PLEKHD1: variants seen among roughly 807,000 people sequenced by gnomAD.
PLEKHD1 encodes the protein pleckstrin homology and coiled-coil domain containing D1.
Under a neutral mutation model 69.2 loss-of-function variants are expected in PLEKHD1, and 51 were observed. The ratio of observed to expected loss-of-function variants is 0.74; its 90% CI spans 0.59 to 0.93. The LOEUF is 0.93. Ranked by LOEUF, PLEKHD1 falls within the 40% of genes least tolerant of loss-of-function variation. The pLI, the probability that PLEKHD1 is intolerant of heterozygous loss-of-function variation, is 0.00. For missense variants in PLEKHD1, 584 were observed against 641.0 expected (o/e 0.91, Z 0.96); for synonymous variants, 236 against 244.7 (o/e 0.96, Z 0.33).
At chr14:69,509,700 G>A (rs548948462) in intron 6 of PLEKHD1, among the ~76,000 whole-genome samples, 26 of 152,256 alleles carry the variant, frequency 1.7e-4, no homozygotes, top group African/African-American at 6.3e-4. Flanking sequence ...CACTTTGGGA[G>A]GTCGAGGCGG....
At chr14:69,489,789 G>A (rs1318146276) in intron 1 of PLEKHD1, among the ~76,000 whole-genome samples, 1 of 152,040 alleles carries the variant, frequency 6.6e-6, no homozygotes, top group Non-Finnish European at 1.5e-5. Flanking sequence ...AAGGGAATGG[G>A]GAACAGGGGT....
At chr14:69,519,918 T>C (rs1883472192) in intron 6 of PLEKHD1, among the ~76,000 whole-genome samples, 1 of 151,952 alleles carries the variant, frequency 6.6e-6, no homozygotes, top group South Asian at 2.1e-4. Flanking sequence ...TCCCAGCACT[T>C]TGGGAGGCCA....
At chr14:69,474,064 G>T in the PLEKHD1 span, among the ~76,000 whole-genome samples, 1 of 152,018 alleles carries the variant, frequency 6.6e-6, no homozygotes, top group Admixed American at 6.6e-5. Flanking sequence ...ACTCCTCTTA[G>T]GAGCCTGCCA....
intron 6 of PLEKHD1, among the ~76,000 whole-genome samples, chr14:69,504,326 C>T (rs1247870084): frequency 6.6e-6 from 1 of 152,128 alleles, no homozygotes; most frequent in Non-Finnish European, 1.5e-5. Flanking sequence ...AGTCACTTGT[C>T]CTTGTCCTCT....
the PLEKHD1 span, among the ~76,000 whole-genome samples, chr14:69,471,636 G>A: frequency 1.4e-4 from 22 of 152,074 alleles, 1 homozygote; most frequent in Admixed American, 1.1e-3. Context: ...GCATCGCAGG[G>A]GCTGGCCAGC....
the PLEKHD1 span, among the ~76,000 whole-genome samples, chr14:69,471,651 A>G: frequency 6.4e-4 from 97 of 152,294 alleles, no homozygotes; most frequent in Non-Finnish European, 1.1e-3. Flanking sequence ...GCCAGCATCC[A>G]GGACCTCGGA....
In PLEKHD1 at chr14:69,522,288, T is replaced by C. The variant is rs1883534116; in HGVS notation, c.561T>C (p.Leu187=). The change falls in exon 7 of 13, where the codon CTT becomes CTC. Residue 187 remains leucine, a synonymous_variant. Transcript: ENST00000322564. ...LCLQREQREE[L]ERLNQVLEAE... ...TTCCTCTCTGGTCTCTTCAGGAGCT[T>C]GAGCGCCTTAACCAGGTGCTGGAGG... The C allele has an allele frequency of 1.9e-6, 3 of 1,551,270 alleles. No individual in the cohort carries two copies. The highest frequency in any genetic ancestry group is 1.4e-5 in the African/African-American group (1 of 73,032).
chr14:69,482,367 C>T (rs1180401057), upstream of PLEKHD1, among the ~76,000 whole-genome samples: 2 of 152,210 alleles, frequency 1.3e-5, no homozygotes, highest in East Asian at 1.9e-4. Context: ...CCATAAGCTG[C>T]AACTGACCTG....
chr14:69,498,907 C>G (rs1347059070), intron 1 of PLEKHD1, among the ~76,000 whole-genome samples: 1 of 152,100 alleles, frequency 6.6e-6, no homozygotes, highest in African/African-American at 2.4e-5. Context: ...CTCAGCCTCC[C>G]AAAATGCTGG....
intron 7 of PLEKHD1, among the ~76,000 whole-genome samples, 189 bp downstream of exon 7, chr14:69,522,566 A>T (rs1883542131): frequency 6.6e-6 from 1 of 151,466 alleles, no homozygotes; most frequent in South Asian, 2.1e-4. Context: ...GAATCTGTAG[A>T]CTCCCCTGAC....
At chr14:69,506,891 C>CCTTTTTTT (rs1883162472) in intron 6 of PLEKHD1, among the ~76,000 whole-genome samples, 1 of 78,062 alleles carries the variant, frequency 1.3e-5, no homozygotes, top group African/African-American at 5.7e-5. Context: ...CTGGCAACTG[C>CCTTTTTTT]TTTTTTTTTT....
Position 69,488,586 on chromosome 14 carries a change from G to A in PLEKHD1, c.149+3472G>A, listed in dbSNP as rs1882704434. 2.0e-5 allele frequency among the ~76,000 whole-genome samples: 3 copies of A among 152,108 alleles called. No individual in the cohort carries two copies. In the South Asian group the frequency reaches 6.2e-4, roughly 32 times the overall value. ...TATTCTTCAAACTTCTACCAGAGTG[G>A]CAACATAGGGTGTGGGGAACAGTGA... is the stretch of plus-strand genomic sequence containing the variant. On this transcript the variant is annotated intron_variant, in intron 1 of 12. Coordinates refer to ENST00000322564, the MANE Select transcript of PLEKHD1 (RefSeq NM_001161498.2).
intron 1 of PLEKHD1, among the ~76,000 whole-genome samples, chr14:69,492,691 T>C (rs1230947666): frequency 6.6e-6 from 1 of 152,236 alleles, no homozygotes; most frequent in African/African-American, 2.4e-5. Context: ...TTGAATGAGT[T>C]AGCACAATGC....
intron 1 of PLEKHD1, among the ~76,000 whole-genome samples, chr14:69,488,668 G>C (rs1882706071): frequency 6.6e-6 from 1 of 152,172 alleles, no homozygotes; most frequent in East Asian, 1.9e-4. Context: ...AAGTTGGGGA[G>C]GGGACAGAGC....
chr14:69,527,821 G>T lies in PLEKHD1; in HGVS notation c.1240G>T (p.Ala414Ser). 1 of 1,551,496 alleles carries T rather than the reference G, an allele frequency of 6.4e-7. No individual in the cohort carries two copies. ...GTGCATCCGGAATGCCGAGCTGGAG[G>T]CCAAGATGCCTGTGATCATGAAGAA... ...EECIRNAELE[A>S]KMPVIMKNSV... Residue 414 changes from alanine to serine, a missense_variant, in exon 12 of 13, where the codon GCC becomes TCC. Transcript: ENST00000322564.
At chr14:69,504,228 T>A (rs115716034) in intron 6 of PLEKHD1, among the ~76,000 whole-genome samples, 1,918 of 152,326 alleles carry the variant, frequency 0.013, 44 homozygotes, top group African/African-American at 0.044. Context: ...ATGCTGCAAG[T>A]GAACTGTCTG....
At chr14:69,526,378 A>G (rs1883647815) in intron 9 of PLEKHD1, among the ~76,000 whole-genome samples, 1 of 152,192 alleles carries the variant, frequency 6.6e-6, no homozygotes, top group Non-Finnish European at 1.5e-5. Context: ...ATGCTTTGTG[A>G]CAGGCTGGGC....
chr14:69,518,900 C>T (rs557362573), intron 6 of PLEKHD1, among the ~76,000 whole-genome samples: 1 of 152,228 alleles, frequency 6.6e-6, no homozygotes, highest in South Asian at 2.1e-4. Context: ...GCTTTGGCTG[C>T]TGTCCTTGGC....
intron 6 of PLEKHD1, 71 bp downstream of exon 6, chr14:69,502,950 G>A: frequency 1.3e-6 from 2 of 1,524,328 alleles, no homozygotes; most frequent in East Asian, 4.9e-5. Flanking sequence ...AGGGAATGAT[G>A]CAGGGGAGCT....
Sources: gnomAD v4.1 joint callset for allele counts (sites outside exome capture counted in the v4.1 genomes callset) on GRCh38, gnomAD v4.1.1 for gene constraint, MANE v1.5 for transcripts, NCBI Gene and HGNC (gene_info 2026-07-23, HGNC 2026-07-21) for gene names.